Variants in RBFOX3 observed in about 807,000 individuals in gnomAD.
RBFOX3 encodes RNA binding fox-1 homolog 3.
RBFOX3 carries 17 observed loss-of-function variants against 48.7 expected under a neutral mutation model. That is an observed-to-expected ratio of 0.35 (90% CI 0.24 to 0.52). The LOEUF (loss-of-function observed/expected upper bound fraction) is 0.52. Among genes scored for constraint, RBFOX3 ranks in the 20% least tolerant of loss-of-function variants. The pLI is 0.94. For missense variants in RBFOX3, 382 were observed against 497.5 expected, an observed-to-expected ratio of 0.77 and a Z score of 2.21; for synonymous variants, 212 against 209.5, an observed-to-expected ratio of 1.01 and a Z score of -0.10.
intron 2 of RBFOX3, among the ~76,000 whole-genome samples, chr17:79,351,177 T>C (rs1180497485): frequency 1.3e-5 from 2 of 152,236 alleles, no homozygotes; most frequent in African/African-American, 4.8e-5. Context: ...GACACTTGCT[T>C]TGCTTCTACG....
chr17:79,372,384 C>T (rs2058679729), intron 2 of RBFOX3, among the ~76,000 whole-genome samples: 1 of 143,300 alleles, frequency 7.0e-6, no homozygotes, highest in Non-Finnish European at 1.5e-5. Context: ...CCTGTGGATC[C>T]CCCTAAGCCC....
At chr17:79,468,979 G>A (rs904772363) in intron 2 of RBFOX3, among the ~76,000 whole-genome samples, 3 of 102,612 alleles carry the variant, frequency 2.9e-5, no homozygotes, top group African/African-American at 8.2e-5. Flanking sequence ...TGGATGGATG[G>A]ATGGATGGAT....
At chr17:79,168,922 C>T (rs988882839) in intron 4 of RBFOX3, among the ~76,000 whole-genome samples, 6 of 152,220 alleles carry the variant, frequency 3.9e-5, no homozygotes, top group Non-Finnish European at 7.3e-5. Context: ...ACTCACAGTA[C>T]CAGATCCGTA....
intron 2 of RBFOX3, among the ~76,000 whole-genome samples, chr17:79,387,182 A>G (rs1454825601): frequency 6.6e-6 from 1 of 152,118 alleles, no homozygotes; most frequent in Non-Finnish European, 1.5e-5. Context: ...GTCTGGCCAC[A>G]CTCATGCTTA....
At position 79,298,390 on chromosome 17, in the gene RBFOX3, A is replaced by T. The variant is rs145040677; in HGVS notation, c.-74+9334T>A. The stretch of plus-strand genomic sequence containing the variant: ...GAAAGCACAGAGGCGGTGCTGGGAG[A>T]GTTGTGGCTAGCTTCTCCGGGAGAG... On this transcript the variant is annotated intron_variant, in intron 3 of 14. Coordinates refer to ENST00000693108, the MANE Select transcript of RBFOX3 (RefSeq NM_001350451.2). The T allele has an allele frequency of 3.3e-5, 5 of 152,224 alleles. No individual in the cohort carries two copies. The East Asian group carries it at 9.6e-4, about 29-fold the overall frequency. 9.4% of individuals were successfully genotyped at this position (152,224 alleles called of 1,614,324 possible).
chr17:79,629,133 G>T, the RBFOX3 span, among the ~76,000 whole-genome samples: 1 of 152,352 alleles, frequency 6.6e-6, no homozygotes, highest in Admixed American at 6.5e-5. Context: ...TGGAGTTGGG[G>T]AGACAGGTGG....
intron 5 of RBFOX3, among the ~76,000 whole-genome samples, chr17:79,112,988 G>A (rs1056702363): frequency 2.0e-5 from 3 of 151,092 alleles, no homozygotes; most frequent in Non-Finnish European, 2.9e-5. Flanking sequence ...ACGGGCCCTC[G>A]AGTGCCCCGG....
intron 3 of RBFOX3, among the ~76,000 whole-genome samples, chr17:79,237,829 C>T (rs753341326): frequency 7.2e-5 from 11 of 152,226 alleles, no homozygotes; most frequent in Admixed American, 2.0e-4. Context: ...CACAAAATGA[C>T]GCTGAGAAGG....
intron 2 of RBFOX3, among the ~76,000 whole-genome samples, chr17:79,437,840 C>T (rs1346773813): frequency 6.6e-6 from 1 of 152,238 alleles, no homozygotes; most frequent in East Asian, 1.9e-4. Flanking sequence ...ACCATTTGTT[C>T]TAGTGCCTGA....
In RBFOX3 at chr17:79,580,013, T is replaced by C. The variant is rs986730734; in HGVS notation, c.-320+30813A>G. 2.7e-3 allele frequency among the ~76,000 whole-genome samples: 410 copies of C among 151,962 alleles called. 1 individual carries two copies. Among genetic ancestry groups the C allele is most frequent in the African/African-American group, 9.1e-3 (376 of 41,440 alleles). Reference sequence around the variant, plus strand: ...GCCATTCACCCTCAGTTGTCATCTCTAAAATGGGAACTGGTGCCACAGCGA... The same window carrying C: ...GCCATTCACCCTCAGTTGTCATCTCCAAAATGGGAACTGGTGCCACAGCGA... On this transcript the variant is annotated intron_variant, in intron 1 of 14. Coordinates refer to ENST00000693108, the MANE Select transcript of RBFOX3 (RefSeq NM_001350451.2).
chr17:79,571,302 T>G (rs2092669125), intron 1 of RBFOX3, among the ~76,000 whole-genome samples: 1 of 152,002 alleles, frequency 6.6e-6, no homozygotes, highest in South Asian at 2.1e-4. Context: ...GCCAGCAGAT[T>G]ATGGTCCTTG....
the RBFOX3 span, among the ~76,000 whole-genome samples, chr17:79,620,414 C>G: frequency 6.7e-6 from 1 of 150,084 alleles, no homozygotes; most frequent in East Asian, 2.0e-4. Flanking sequence ...CACACACGGA[C>G]ATGCACACAC....
the RBFOX3 span, among the ~76,000 whole-genome samples, chr17:79,622,856 A>T: frequency 6.6e-6 from 1 of 152,116 alleles, no homozygotes; most frequent in Non-Finnish European, 1.5e-5. Context: ...TAATGTCTTT[A>T]TTCCAACACA....
intron 4 of RBFOX3, among the ~76,000 whole-genome samples, chr17:79,181,417 G>A (rs1015029751): frequency 2.0e-5 from 3 of 152,206 alleles, no homozygotes; most frequent in Non-Finnish European, 4.4e-5. Context: ...CTGGGAACCT[G>A]ACCTCGGAGG....
At chr17:79,483,167 T>C (rs1467430998) in intron 1 of RBFOX3, among the ~76,000 whole-genome samples, 1 of 152,060 alleles carries the variant, frequency 6.6e-6, no homozygotes, top group African/African-American at 2.4e-5. Flanking sequence ...CAGGTGAATC[T>C]GGCTTCTGTG....
intron 2 of RBFOX3, among the ~76,000 whole-genome samples, chr17:79,429,468 G>T (rs903256922): frequency 1.3e-5 from 2 of 152,176 alleles, no homozygotes; most frequent in Non-Finnish European, 2.9e-5. Context: ...AGCAGGCTGG[G>T]CAGGAGGAGG....
At chr17:79,268,357 C>A (rs77914965) in intron 3 of RBFOX3, among the ~76,000 whole-genome samples, 32 of 152,280 alleles carry the variant, frequency 2.1e-4, no homozygotes, top group African/African-American at 7.5e-4. Context: ...TGGGCATGAC[C>A]GACATTGCCT....
At chr17:79,245,369 G>A (rs1329279741) in intron 3 of RBFOX3, among the ~76,000 whole-genome samples, 1 of 152,064 alleles carries the variant, frequency 6.6e-6, no homozygotes, top group African/African-American at 2.4e-5. Flanking sequence ...CAGACCAAAG[G>A]ACCCCAGGAA....
chr17:79,367,345 CCCT>C (rs1446769759), intron 2 of RBFOX3, among the ~76,000 whole-genome samples: 1 of 149,088 alleles, frequency 6.7e-6, no homozygotes, highest in African/African-American at 2.5e-5. Context: ...CTCTTCCTCC[CCCT>C]CCTCCTCCTA....
Sources: gnomAD v4.1 joint callset for allele counts (sites outside exome capture counted in the v4.1 genomes callset) on GRCh38, gnomAD v4.1.1 for gene constraint, MANE v1.5 for transcripts, NCBI Gene and HGNC (gene_info 2026-07-23, HGNC 2026-07-21) for gene names.